The following VPS41 variants were observed in gnomAD, a reference collection of about 807,000 sequenced individuals.
VPS41 encodes vacuolar protein sorting-associated protein 41 homolog.
VPS41 carries 85 observed loss-of-function variants against 130.9 expected under a neutral mutation model. The ratio of observed to expected loss-of-function variants is 0.65; its 90% CI spans 0.55 to 0.78. The LOEUF is 0.78. VPS41 is among the 30% of genes least tolerant of loss of function. The pLI is 0.00. For missense variants in VPS41, 874 were observed against 1,018.7 expected (o/e 0.86, Z 1.93); for synonymous variants, 335 against 332.9 (o/e 1.01, Z -0.07).
chr7:38,744,325 T>C (rs1256360807), intron 23 of VPS41, among the ~76,000 whole-genome samples: 2 of 152,152 alleles, frequency 1.3e-5, no homozygotes, highest in Admixed American at 6.5e-5. Context: ...CTTACCCCTG[T>C]CTCTGGGCTT....
chr7:38,902,521 A>G (rs770092672), intron 1 of VPS41, among the ~76,000 whole-genome samples: 2 of 152,090 alleles, frequency 1.3e-5, no homozygotes, highest in Non-Finnish European at 2.9e-5. Context: ...GTATGTCTAC[A>G]TAAGATCCAC....
chr7:38,886,404 A>G (rs1047467645), intron 2 of VPS41, among the ~76,000 whole-genome samples: 2 of 152,210 alleles, frequency 1.3e-5, no homozygotes, highest in Non-Finnish European at 2.9e-5. Context: ...CTGCTAACGC[A>G]GCAGTCTAAG....
At chr7:38,748,066 GA>G (rs1796021000) in intron 22 of VPS41, among the ~76,000 whole-genome samples, 1 of 152,176 alleles carries the variant, frequency 6.6e-6, no homozygotes, top group Non-Finnish European at 1.5e-5. Flanking sequence ...TCACAAATGA[GA>G]AAATGGACTT....
At chr7:38,828,773 A>G (rs968848442) in intron 5 of VPS41, among the ~76,000 whole-genome samples, 1 of 151,926 alleles carries the variant, frequency 6.6e-6, no homozygotes, top group Non-Finnish European at 1.5e-5. Flanking sequence ...CCAAAATAGG[A>G]AACCAAAGGT....
chr7:38,727,219 T>C, intron 27 of VPS41: 1 of 323,302 alleles, frequency 3.1e-6, no homozygotes, highest in Non-Finnish European at 5.6e-6. Context: ...TCTGTGTCAC[T>C]TACCCAGACT....
Position 38,850,393 on chromosome 7 carries a change from C to T in VPS41, c.246+12152G>A, listed in dbSNP as rs200171743. ...TTCATTCTGAGTTGTTTGGGTTTTC[C>T]TTATGGATCTGTAAGAGTTCCTTAT... On this transcript the variant is annotated intron_variant, in intron 4 of 28. Coordinates refer to ENST00000310301, the MANE Select transcript of VPS41 (RefSeq NM_014396.4). Among the ~76,000 whole-genome samples, 49 of 152,234 alleles carry T rather than the reference C, an allele frequency of 3.2e-4. No individual in the cohort carries two copies. The East Asian group carries it at 9.1e-3, about 28-fold the overall frequency.
intron 25 of VPS41, chr7:38,741,347 A>G: frequency 2.8e-6 from 1 of 361,332 alleles, no homozygotes. Flanking sequence ...GAAAAATAGT[A>G]ATTGCTAGAG....
At chr7:38,827,229 G>T (rs1307340546) in intron 5 of VPS41, among the ~76,000 whole-genome samples, 1 of 152,172 alleles carries the variant, frequency 6.6e-6, no homozygotes, top group Admixed American at 6.5e-5. Context: ...TCTACTCCAG[G>T]AAGCAGTAAG....
At chr7:38,839,940 G>A (rs1442077544) in intron 4 of VPS41, among the ~76,000 whole-genome samples, 2 of 152,136 alleles carry the variant, frequency 1.3e-5, no homozygotes, top group Admixed American at 6.5e-5. Context: ...AATGCAAAAG[G>A]GAAGATGGAA....
At chr7:38,836,285 T>C (rs1168463648) in intron 4 of VPS41, among the ~76,000 whole-genome samples, 1 of 152,072 alleles carries the variant, frequency 6.6e-6, no homozygotes, top group Non-Finnish European at 1.5e-5. Flanking sequence ...TTATACTTGA[T>C]TTATGCCTCC....
intron 10 of VPS41, among the ~76,000 whole-genome samples, chr7:38,780,354 G>GTGGGCATTACAGC (rs1784334940): frequency 6.6e-6 from 1 of 151,978 alleles, no homozygotes; most frequent in Admixed American, 6.6e-5. Flanking sequence ...TTATACTATG[G>GTGGGCATTACAGC]TGGGCATTAC....
chr7:38,790,650 T>A (rs2115949519), intron 9 of VPS41, among the ~76,000 whole-genome samples: 1 of 152,342 alleles, frequency 6.6e-6, no homozygotes, highest in East Asian at 1.9e-4. Flanking sequence ...TACAGGAGGA[T>A]GTGCATAGGT....
chr7:38,830,240 C>G lies in VPS41; in HGVS notation c.321+14G>C. 6.3e-7 allele frequency: 1 copy of G among 1,591,810 alleles called. No homozygotes were observed. Among genetic ancestry groups the G allele is most frequent in the East Asian group, 2.2e-5 (1 of 44,778 alleles). Reference sequence around the variant, plus strand: ...CGCCACAGAACTCTCTGCATGACCACATCTTTGCCATACCTTGCCATCCTC... The same window carrying G: ...CGCCACAGAACTCTCTGCATGACCAGATCTTTGCCATACCTTGCCATCCTC... On this transcript the variant is annotated intron_variant, in intron 5 of 28. Coordinates refer to ENST00000310301, the MANE Select transcript of VPS41 (RefSeq NM_014396.4).
chr7:38,861,135 G>C (rs1380165965), intron 4 of VPS41, among the ~76,000 whole-genome samples: 1 of 152,098 alleles, frequency 6.6e-6, no homozygotes, highest in Non-Finnish European at 1.5e-5. Flanking sequence ...ATAACTGAAG[G>C]TTTATACTGA....
intron 2 of VPS41, among the ~76,000 whole-genome samples, chr7:38,884,364 C>T (rs1786675372): frequency 6.6e-6 from 1 of 152,164 alleles, no homozygotes; most frequent in African/African-American, 2.4e-5. Context: ...TGTCAGTCCA[C>T]TTGGTTTTAT....
intron 3 of VPS41, 86 bp from the exon 4 acceptor site, chr7:38,862,708 TG>T: frequency 2.6e-6 from 2 of 777,400 alleles, no homozygotes; most frequent in South Asian, 3.4e-5. Flanking sequence ...AAAGACAAGA[TG>T]CTTAATGCAT....
intron 5 of VPS41, among the ~76,000 whole-genome samples, chr7:38,827,218 A>G (rs1005994979): frequency 2.6e-5 from 4 of 152,220 alleles, no homozygotes; most frequent in African/African-American, 4.8e-5. Flanking sequence ...TGCAATAAAA[A>G]TCTACTCCAG....
intron 7 of VPS41, among the ~76,000 whole-genome samples, chr7:38,804,068 T>G (rs1422518168): frequency 6.6e-6 from 1 of 152,202 alleles, no homozygotes; most frequent in African/African-American, 2.4e-5. Context: ...ATAGACAAAA[T>G]GTTGGTACGA....
At position 38,728,793 on chromosome 7, in the gene VPS41, T is replaced by G. The variant is rs1371162406; in HGVS notation, c.2260-2A>C. On this transcript the variant is annotated splice_acceptor_variant, in intron 25 of 28. Transcript: ENST00000310301. LOFTEE classifies it high-confidence loss of function. ...CTTGCAGCCTTCACGAAGCAGAATCTAATGCATACATTTTAAAAGAAAAGC... is the reference window on the plus strand; with the variant it reads ...CTTGCAGCCTTCACGAAGCAGAATCGAATGCATACATTTTAAAAGAAAAGC... 1.2e-6 allele frequency: 2 copies of G among 1,613,774 alleles called. No individual in the cohort carries two copies. Among genetic ancestry groups the G allele is most frequent in the Non-Finnish European group, 1.7e-6 (2 of 1,179,676 alleles).
Sources: allele counts gnomAD v4.1 joint callset (sites outside exome capture counted in the v4.1 genomes callset), GRCh38; gene constraint gnomAD v4.1.1; transcripts MANE v1.5; gene names NCBI Gene and HGNC (gene_info 2026-07-23, HGNC 2026-07-21).